PCBP3: variants seen among roughly 807,000 people sequenced by gnomAD.
The protein encoded by PCBP3 is poly(rC)-binding protein 3.
A neutral mutation model predicts 52.7 loss-of-function variants in PCBP3; 25 were observed. The observed-to-expected ratio is 0.47, with a 90% confidence interval of 0.35 to 0.66. The LOEUF is 0.66. PCBP3 is among the 30% of genes least tolerant of loss of function. The pLI, the probability that PCBP3 is intolerant of heterozygous loss-of-function variation, is 0.01. For synonymous variants in PCBP3, 162 were observed against 183.0 expected (o/e 0.89, Z 0.93); for missense variants, 391 against 490.3 (o/e 0.80, Z 1.91).
At chr21:45,785,090 A>G (rs1049676635) in intron 4 of PCBP3, among the ~76,000 whole-genome samples, 4 of 150,014 alleles carry the variant, frequency 2.7e-5, no homozygotes, top group African/African-American at 9.9e-5. Context: ...CCGGGATGTG[A>G]GGAGCATCTC....
intron 3 of PCBP3, among the ~76,000 whole-genome samples, chr21:45,738,925 C>T (rs1175104030): frequency 7.6e-6 from 1 of 132,234 alleles, no homozygotes; most frequent in East Asian, 2.5e-4. Flanking sequence ...GGTGGCCCCC[C>T]CATCTTCATC....
At chr21:45,796,596 C>T (rs2091930784) in intron 4 of PCBP3, among the ~76,000 whole-genome samples, 1 of 151,736 alleles carries the variant, frequency 6.6e-6, no homozygotes, top group South Asian at 2.1e-4. Context: ...AAATATTTTT[C>T]TTTCTATTCC....
At chr21:45,849,464 C>T (rs2093909519) in intron 4 of PCBP3, among the ~76,000 whole-genome samples, 1 of 152,044 alleles carries the variant, frequency 6.6e-6, no homozygotes, top group African/African-American at 2.4e-5. Context: ...TCTTGGCCTC[C>T]CAAAGTGCTG....
intron 13 of PCBP3, among the ~76,000 whole-genome samples, chr21:45,923,869 G>A (rs2074878305): frequency 2.6e-5 from 3 of 116,516 alleles, no homozygotes; most frequent in South Asian, 2.9e-4. Context: ...AACAGCACAC[G>A]TAAGATCGGG....
At chr21:45,721,286 G>T (rs2084615610) in intron 2 of PCBP3, among the ~76,000 whole-genome samples, 1 of 151,972 alleles carries the variant, frequency 6.6e-6, no homozygotes, top group African/African-American at 2.4e-5. Context: ...GGTGGCGGGT[G>T]CCTGTAGTCC....
intron 5 of PCBP3, among the ~76,000 whole-genome samples, chr21:45,892,972 GCTGGAGAGGGGAGGGAGTC>G (rs932640505): frequency 2.0e-5 from 3 of 151,836 alleles, no homozygotes; most frequent in Non-Finnish European, 4.4e-5. Context: ...GGGAGGGAGT[GCTGGAGAGGGGAGGGAGTC>G]CTGGAGAGGG....
intron 4 of PCBP3, among the ~76,000 whole-genome samples, chr21:45,824,241 G>A (rs2093242578): frequency 6.6e-6 from 1 of 152,134 alleles, no homozygotes; most frequent in African/African-American, 2.4e-5. Context: ...CAAGTCTAAG[G>A]ATCACATCAC....
At chr21:45,877,061 T>C (rs2095277931) in intron 5 of PCBP3, among the ~76,000 whole-genome samples, 1 of 152,228 alleles carries the variant, frequency 6.6e-6, no homozygotes, top group Admixed American at 6.5e-5. Context: ...TCCAAACCTA[T>C]TCATCCATCC....
At chr21:45,889,215 G>A (rs768267465) in intron 5 of PCBP3, among the ~76,000 whole-genome samples, 2 of 152,198 alleles carry the variant, frequency 1.3e-5, no homozygotes, top group Non-Finnish European at 2.9e-5. Context: ...CAGAGACGGT[G>A]GAGTGGAGAG....
intron 2 of PCBP3, among the ~76,000 whole-genome samples, chr21:45,695,064 C>G (rs62215047): frequency 6.6e-6 from 1 of 152,022 alleles, no homozygotes; most frequent in Non-Finnish European, 1.5e-5. Flanking sequence ...GATATACTAT[C>G]AAGCTATAGT....
At chr21:45,886,477 G>A (rs369360878) in intron 5 of PCBP3, among the ~76,000 whole-genome samples, 2 of 117,896 alleles carry the variant, frequency 1.7e-5, no homozygotes, top group Admixed American at 8.7e-5. Context: ...TCATTGCCGC[G>A]GGTGCCAAGG....
intron 4 of PCBP3, among the ~76,000 whole-genome samples, chr21:45,841,006 T>A (rs2093688287): frequency 6.6e-6 from 1 of 152,200 alleles, no homozygotes; most frequent in South Asian, 2.1e-4. Context: ...GTGTCACAGT[T>A]GCCTACAGTA....
chr21:45,905,561 C>T (rs904907984), intron 9 of PCBP3, among the ~76,000 whole-genome samples: 1 of 152,232 alleles, frequency 6.6e-6, no homozygotes, highest in African/African-American at 2.4e-5. Context: ...GTGGCTTACA[C>T]GGCAGACGCT....
Position 45,830,620 on chromosome 21 carries a change from A to G in PCBP3, c.-125-19341A>G, listed in dbSNP as rs557715155. On this transcript the variant is annotated intron_variant, in intron 4 of 17. Coordinates refer to ENST00000681687, the MANE Select transcript of PCBP3 (RefSeq NM_001384156.1). The surrounding 1 kb of genome is among the most constrained non-coding windows in gnomAD (Gnocchi z 4.4). The stretch of plus-strand genomic sequence containing the variant: ...AGTGAAGGGAGGGAAGAAAGCCTGG[A>G]CCAGGAGGACACCAAGGACTGCCCC... 1.3e-5 allele frequency: 2 copies of G among 152,446 alleles called. No homozygotes were observed. The highest frequency in any genetic ancestry group is 4.1e-4 in the South Asian group (2 of 4,834). 9.4% of individuals were successfully genotyped at this position (152,446 alleles called of 1,614,324 possible).
intron 2 of PCBP3, among the ~76,000 whole-genome samples, chr21:45,689,557 A>G (rs1214478619): frequency 1.3e-5 from 2 of 152,116 alleles, no homozygotes; most frequent in African/African-American, 2.4e-5. Context: ...ACTTCTATTC[A>G]ATATTATACT....
At chr21:45,927,311 T>TCCCTCACTCTCCCCC (rs2075576630) in intron 13 of PCBP3, among the ~76,000 whole-genome samples, 2 of 73,146 alleles carry the variant, frequency 2.7e-5, no homozygotes, top group Non-Finnish European at 2.8e-5. Context: ...TCCCCTCCCC[T>TCCCTCACTCTCCCCC]TCCTCCCTCT....
chr21:45,683,302 A>G (rs7280560), intron 2 of PCBP3, among the ~76,000 whole-genome samples: 25,146 of 152,076 alleles, frequency 0.17, 2,204 homozygotes, highest in Middle Eastern at 0.3. Context: ...AAGAATAGGA[A>G]GGAATTGCAG....
chr21:45,796,706 C>A (rs56347571), intron 4 of PCBP3, among the ~76,000 whole-genome samples: 26,621 of 152,100 alleles, frequency 0.18, 2,453 homozygotes, highest in Middle Eastern at 0.33. Context: ...AGGCAATTAA[C>A]AAATACTTGA....
intron 4 of PCBP3, among the ~76,000 whole-genome samples, chr21:45,848,668 T>C (rs8127428): frequency 0.19 from 28,414 of 152,194 alleles, 3,037 homozygotes; most frequent in Middle Eastern, 0.31. Flanking sequence ...TTCACAGTTT[T>C]TTGTTTTAAC....
Sources: gnomAD v4.1 joint callset for allele counts (sites outside exome capture counted in the v4.1 genomes callset) on GRCh38, gnomAD v4.1.1 for gene constraint, Gnocchi (gnomAD v3.1) non-coding constraint, MANE v1.5 for transcripts, NCBI Gene and HGNC (gene_info 2026-07-23, HGNC 2026-07-21) for gene names.